The following LRRC18 variants were observed in gnomAD, a reference collection of about 807,000 sequenced individuals.
The protein encoded by LRRC18 is leucine rich repeat containing 18.
Under a neutral mutation model 11.2 loss-of-function variants are expected in LRRC18, and 12 were observed. That is an observed-to-expected ratio of 1.07 (90% CI 0.69 to 1.74). LRRC18 has a LOEUF of 1.74. LRRC18 is among the 40% of genes most tolerant of loss of function. The pLI is 0.00. For missense variants in LRRC18, 374 were observed against 330.5 expected, an observed-to-expected ratio of 1.13 and a Z score of -1.02; for synonymous variants, 155 against 130.6, an observed-to-expected ratio of 1.19 and a Z score of -1.27.
chr10:48,917,076 T>G (rs1838618166), upstream of LRRC18, among the ~76,000 whole-genome samples: 1 of 152,236 alleles, frequency 6.6e-6, no homozygotes, highest in Non-Finnish European at 1.5e-5. Flanking sequence ...TACAGTAACA[T>G]GCTGTACAGG....
At chr10:48,937,686 G>A in the LRRC18 span, among the ~76,000 whole-genome samples, 6 of 152,188 alleles carry the variant, frequency 3.9e-5, no homozygotes, top group Admixed American at 6.5e-5. Context: ...GATTTTCCAC[G>A]TTAGGGAAAT....
the LRRC18 span, among the ~76,000 whole-genome samples, chr10:48,935,584 T>C: frequency 2.6e-5 from 4 of 152,192 alleles, no homozygotes; most frequent in African/African-American, 9.7e-5. Context: ...TGTGCAAGTA[T>C]TTTTTTTCTG....
At chr10:48,915,347 G>C (rs143375384), upstream of LRRC18, among the ~76,000 whole-genome samples, 2 of 151,960 alleles carry the variant, frequency 1.3e-5, no homozygotes, top group African/African-American at 4.8e-5. Flanking sequence ...GGAAGAGGAC[G>C]CAACTCTGTT....
exon 2 of LRRC18, chr10:48,909,499 GT>G (rs1837814765): frequency 6.6e-6 from 1 of 152,088 alleles, no homozygotes; most frequent in East Asian, 1.9e-4. Flanking sequence ...AAGAAAAGAA[GT>G]TTATTTGAGT....
chr10:48,919,165 G>T (rs919356351), upstream of LRRC18, among the ~76,000 whole-genome samples: 3 of 151,390 alleles, frequency 2.0e-5, no homozygotes, highest in African/African-American at 7.3e-5. Context: ...CAGATAGCCA[G>T]ACTGACAATT....
At chr10:48,927,307 C>CCTTTGCCATTT in the LRRC18 span, among the ~76,000 whole-genome samples, 2 of 152,168 alleles carry the variant, frequency 1.3e-5, no homozygotes, top group African/African-American at 2.4e-5. Flanking sequence ...AGTGACCTCT[C>CCTTTGCCATTT]CTTTGCCATT....
chr10:48,936,641 T>C, the LRRC18 span, among the ~76,000 whole-genome samples: 1 of 151,812 alleles, frequency 6.6e-6, no homozygotes, highest in Non-Finnish European at 1.5e-5. Context: ...ATCGAGACCA[T>C]CCCGGCTAAC....
chr10:48,931,411 C>T, the LRRC18 span, among the ~76,000 whole-genome samples: 2 of 152,316 alleles, frequency 1.3e-5, no homozygotes, highest in Non-Finnish European at 2.9e-5. Context: ...TCCTGTTTCC[C>T]TCCAGAGGTA....
At chr10:48,913,899 T>C (rs1197827032) in exon 1 of LRRC18, 2 of 1,614,132 alleles carry the variant, frequency 1.2e-6, no homozygotes, top group Non-Finnish European at 1.7e-6. Flanking sequence ...AGGCAGCTTG[T>C]CTATGTAGTT....
the LRRC18 span, among the ~76,000 whole-genome samples, chr10:48,927,451 T>A: frequency 6.6e-6 from 1 of 152,190 alleles, no homozygotes; most frequent in Admixed American, 6.5e-5. Flanking sequence ...GTGGGATGCG[T>A]TCTTCCCATT....
the LRRC18 span, among the ~76,000 whole-genome samples, chr10:48,938,153 A>G: frequency 1.2e-4 from 18 of 152,334 alleles, no homozygotes; most frequent in African/African-American, 4.1e-4. Context: ...TCAGTCACTC[A>G]CTAACCCATT....
chr10:48,929,255 A>G, the LRRC18 span, among the ~76,000 whole-genome samples: 1 of 151,916 alleles, frequency 6.6e-6, no homozygotes, highest in Non-Finnish European at 1.5e-5. Context: ...AGAAAGAAGG[A>G]AGGAGGAAAG....
chr10:48,914,052 C>T, exon 1 of LRRC18: 5 of 1,614,178 alleles, frequency 3.1e-6, no homozygotes, highest in Non-Finnish European at 4.2e-6. Context: ...TCCCATCTTG[C>T]TCAAGTCAAG....
At chr10:48,927,164 T>C in the LRRC18 span, among the ~76,000 whole-genome samples, 1 of 152,200 alleles carries the variant, frequency 6.6e-6, no homozygotes, top group Non-Finnish European at 1.5e-5. Context: ...TCTCGTTAAG[T>C]ACTTCTGCTG....
chr10:48,916,980 T>C (rs545006512), upstream of LRRC18, among the ~76,000 whole-genome samples: 41 of 152,124 alleles, frequency 2.7e-4, no homozygotes, highest in South Asian at 6.2e-3. Flanking sequence ...TCCCATAAGA[T>C]TGTGATACTA....
At chr10:48,924,513 T>A in the LRRC18 span, among the ~76,000 whole-genome samples, 4 of 152,196 alleles carry the variant, frequency 2.6e-5, no homozygotes, top group African/African-American at 7.2e-5. Context: ...GACGAATGGA[T>A]GTATTTATGT....
rs748842257 is a variant in LRRC18, at chr10:48,914,065, G to A, written c.91C>T (p.Arg31Cys). ...ATTCCCATCTTGCTCAAGTCAAGGC[G>A]CTTTTTCCCATCAAAAGTGATTTTG... The change falls in exon 1 of 2, where the codon CGC becomes TGC. Residue 31 changes from arginine (R) to cysteine (C), a missense_variant. Physicochemically the swap from Arg to Cys is radical, Grantham distance 180 (BLOSUM62 -3). Transcript: ENST00000374160. The A allele has an allele frequency of 1.1e-5, 17 of 1,614,004 alleles. No individual in the cohort carries two copies. In the African/African-American group the frequency reaches 1.1e-4, roughly 10 times the overall value.
At chr10:48,936,241 T>G in the LRRC18 span, among the ~76,000 whole-genome samples, 1 of 151,680 alleles carries the variant, frequency 6.6e-6, no homozygotes, top group Non-Finnish European at 1.5e-5. Flanking sequence ...ACTATAACAT[T>G]TTTTAATACA....
At chr10:48,924,722 T>C in the LRRC18 span, among the ~76,000 whole-genome samples, 1 of 152,244 alleles carries the variant, frequency 6.6e-6, no homozygotes, top group African/African-American at 2.4e-5. Flanking sequence ...CATGGTGGGA[T>C]ACCCCATGGA....
Sources: gnomAD v4.1 joint callset for allele counts (sites outside exome capture counted in the v4.1 genomes callset) on GRCh38, gnomAD v4.1.1 for gene constraint, MANE v1.5 for transcripts, NCBI Gene and HGNC (gene_info 2026-07-23, HGNC 2026-07-21) for gene names.